Variants in HYKK observed in about 807,000 individuals in gnomAD.
HYKK encodes hydroxylysine kinase.
In HYKK, 19 loss-of-function variants were observed where a neutral mutation model predicts 29.7. That is an observed-to-expected ratio of 0.64 (90% CI 0.45 to 0.94). The LOEUF is 0.94. Among genes scored for constraint, HYKK ranks in the 40% least tolerant of loss-of-function variants. HYKK has a pLI of 0.00. For synonymous variants in HYKK, 152 were observed against 158.1 expected, an observed-to-expected ratio of 0.96 and a Z score of 0.29; for missense variants, 390 against 443.4, an observed-to-expected ratio of 0.88 and a Z score of 1.08.
rs1458839654 is a variant in HYKK at position 78,535,551 on chromosome 15, C to T, written c.*1881C>T. On this transcript the variant is annotated 3_prime_UTR_variant, in exon 5 of 5. Coordinates refer to ENST00000388988, the MANE Select transcript of HYKK (RefSeq NM_001013619.4). ...CAGTGTGTGGCACATAGTTAGGACT[C>T]AGTAACTATTTACTCAATAAATGAA... 1 of 152,138 alleles carries T rather than the reference C, an allele frequency of 6.6e-6. No homozygotes were observed. Among genetic ancestry groups the T allele is most frequent in the Non-Finnish European group, 1.5e-5 (1 of 68,038 alleles). The allele number at this position is 152,138 out of a possible 1,614,324, so 9.4% of individuals were successfully genotyped here.
rs1034827696 is a variant in HYKK at position 78,507,685 on chromosome 15, G to C, written c.-6+14G>C. On this transcript the variant is annotated intron_variant, in intron 1 of 4. Transcript: ENST00000388988. ...GGGTCGCTGCCGGTGAGCCAAGGAG[G>C]GGGAAGCAGAGACGAGCCCTGCGTC... The C allele has an allele frequency of 3.9e-5, 6 of 152,420 alleles. No homozygotes were observed. The highest frequency in any genetic ancestry group is 3.9e-4 in the Admixed American group (6 of 15,284). The allele number at this position is 152,420 out of a possible 1,614,324, so 9.4% of individuals were successfully genotyped here. A position where few individuals can be genotyped will look rare whatever the true frequency, so the allele number is the denominator to read the frequency against.
In HYKK at chr15:78,534,727, G is replaced by A. The variant is rs2141366806; in HGVS notation, c.*1057G>A. 6.6e-6 allele frequency: 1 copy of A among 152,258 alleles called. No individual in the cohort carries two copies. The highest frequency in any genetic ancestry group is 6.5e-5 in the Admixed American group (1 of 15,286). 9.4% of individuals were successfully genotyped at this position (152,258 alleles called of 1,614,324 possible). A position where few individuals can be genotyped will look rare whatever the true frequency, so the allele number is the denominator to read the frequency against. On this transcript the variant is annotated 3_prime_UTR_variant, in exon 5 of 5. Coordinates refer to ENST00000388988, the MANE Select transcript of HYKK (RefSeq NM_001013619.4). ...GAAAAAATTTTAACTTGTCTGAGAG[G>A]GTGGTTGAAACTGGAACTCCAGAGA...
chr15:78,510,443 C>T lies in HYKK; in HGVS notation c.-5-2641C>T, dbSNP rs569424865. Among the ~76,000 whole-genome samples, 16 of 152,186 alleles carry T rather than the reference C, an allele frequency of 1.1e-4. No homozygotes were observed. In the Middle Eastern group the frequency reaches 0.01, roughly 97 times the overall value. ...CAAACTCCTGACCTCAGGTGATCCA[C>T]CCACCTCAGCCTCCCAAAGTGGTGG... On this transcript the variant is annotated intron_variant, in intron 1 of 4. Coordinates refer to ENST00000388988, the MANE Select transcript of HYKK (RefSeq NM_001013619.4).
At chr15:78,528,770 C>T in intron 4 of HYKK, 2 of 799,706 alleles carry the variant, frequency 2.5e-6, no homozygotes, top group Non-Finnish European at 3.0e-6. Flanking sequence ...CCACTGCACT[C>T]CAGCCTGGGC....
Position 78,535,882 on chromosome 15 carries a change from T to G in HYKK, c.*2212T>G, listed in dbSNP as rs1191504246. ...ACAGGCATGTGCCACCATGCCCAACTAATTTATTTTATTTTGTAGAGATAG... is the reference window on the plus strand; with the variant it reads ...ACAGGCATGTGCCACCATGCCCAACGAATTTATTTTATTTTGTAGAGATAG... On this transcript the variant is annotated 3_prime_UTR_variant, in exon 5 of 5. Transcript: ENST00000388988. 1.3e-5 allele frequency: 2 copies of G among 152,276 alleles called. No homozygotes were observed. Among genetic ancestry groups the G allele is most frequent in the East Asian group, 3.9e-4 (2 of 5,164 alleles). The allele number at this position is 152,276 out of a possible 1,614,324, so 9.4% of individuals were successfully genotyped here. A position where few individuals can be genotyped will look rare whatever the true frequency, so the allele number is the denominator to read the frequency against.
intron 3 of HYKK, among the ~76,000 whole-genome samples, chr15:78,523,119 C>A (rs562455778): frequency 6.6e-6 from 1 of 152,260 alleles, no homozygotes; most frequent in African/African-American, 2.4e-5. Flanking sequence ...AGTCCATTCT[C>A]AAATTGCTAT....
rs917432980 is a variant in HYKK, at chr15:78,507,642, G to C, written c.-35G>C. Reference sequence around the variant, plus strand: ...GCACTACCTGTCTGCGGGAAAGCGGGATCCACCCCAGGACGTCGGGTCGCT... The same window carrying C: ...GCACTACCTGTCTGCGGGAAAGCGGCATCCACCCCAGGACGTCGGGTCGCT... On this transcript the variant is annotated 5_prime_UTR_variant, in exon 1 of 5. Transcript: ENST00000388988. The C allele has an allele frequency of 6.6e-6, 1 of 152,346 alleles. No individual in the cohort carries two copies. The highest frequency in any genetic ancestry group is 1.5e-5 in the Non-Finnish European group (1 of 68,160). 9.4% of individuals were successfully genotyped at this position (152,346 alleles called of 1,614,324 possible).
At chr15:78,519,254 C>T (rs914022958) in intron 3 of HYKK, among the ~76,000 whole-genome samples, 1 of 152,100 alleles carries the variant, frequency 6.6e-6, no homozygotes, top group African/African-American at 2.4e-5. Flanking sequence ...TCCGTTTATT[C>T]AACAAATATT....
At position 78,528,764 on chromosome 15, in the gene HYKK, T is replaced by C. The variant is rs59778788; in HGVS notation, c.661+1201T>C. 3.4e-3 allele frequency: 2,387 copies of C among 708,552 alleles called. 212 individuals carry two copies. The East Asian group carries it at 0.24, about 73-fold the overall frequency. 43.9% of individuals were successfully genotyped at this position (708,552 alleles called of 1,614,324 possible). A position where few individuals can be genotyped will look rare whatever the true frequency, so the allele number is the denominator to read the frequency against. On this transcript the variant is annotated intron_variant, in intron 4 of 4. Coordinates refer to ENST00000388988, the MANE Select transcript of HYKK (RefSeq NM_001013619.4). ...TTGCAGTGGGCCTAGGTTGTGCCAC[T>C]GCACTCCAGCCTGGGCAACAGAGCG...
At chr15:78,525,506 T>G (rs1339135549) in intron 3 of HYKK, among the ~76,000 whole-genome samples, 1 of 146,010 alleles carries the variant, frequency 6.8e-6, no homozygotes, top group Non-Finnish European at 1.5e-5. Context: ...TTTTTATATA[T>G]ATATTTTTTG....
At chr15:78,521,341 G>A in intron 3 of HYKK, among the ~76,000 whole-genome samples, 1 of 152,036 alleles carries the variant, frequency 6.6e-6, no homozygotes, top group East Asian at 1.9e-4. Context: ...TATAGGACAG[G>A]CTTATGAGTA....
Position 78,515,064 on chromosome 15 carries a change from A to C in HYKK, c.434A>C (p.Tyr145Ser). Residue 145 changes from tyrosine (Y) to serine (S), a missense_variant, in exon 3 of 5, where the codon TAT becomes TCT. By Grantham distance (144) the Tyr-to-Ser change is moderately radical. Coordinates refer to ENST00000388988, the MANE Select transcript of HYKK (RefSeq NM_001013619.4). ...CTTCCCGTCAGCCCCCAGCTATTGT[A>C]TGAAATTGGAAAACTAGCTGCCAAA... is the stretch of plus-strand genomic sequence containing the variant. ...AELPVSPQLL[Y>S]EIGKLAAKLD... 1 of 1,599,556 alleles carries C rather than the reference A, an allele frequency of 6.3e-7. No individual in the cohort carries two copies. Among genetic ancestry groups the C allele is most frequent in the Non-Finnish European group, 8.5e-7 (1 of 1,172,102 alleles).
At chr15:78,512,763 G>T (rs1269518543) in intron 1 of HYKK, among the ~76,000 whole-genome samples, 1 of 152,042 alleles carries the variant, frequency 6.6e-6, no homozygotes, top group Non-Finnish European at 1.5e-5. Context: ...TAACCTCTCA[G>T]GACCAAAATT....
chr15:78,513,262 C>A lies in HYKK; in HGVS notation c.174C>A (p.Gly58=). 1 of 1,614,126 alleles carries A rather than the reference C, an allele frequency of 6.2e-7. No homozygotes were observed. Among genetic ancestry groups the A allele is most frequent in the East Asian group, 2.2e-5 (1 of 44,880 alleles). The change falls in exon 2 of 5, where the codon GGC becomes GGA. Residue 58 remains glycine, a synonymous_variant. Coordinates refer to ENST00000388988, the MANE Select transcript of HYKK (RefSeq NM_001013619.4). The part of the protein sequence containing the change: ...FHVYVSKTKD[G]PTEYVLKISN... ...TCTACGTTTCAAAAACCAAAGATGG[C>A]CCAACTGAATATGTCCTCAAAATAA...
chr15:78,520,939 G>A (rs969722545), intron 3 of HYKK, among the ~76,000 whole-genome samples: 13 of 151,480 alleles, frequency 8.6e-5, no homozygotes, highest in South Asian at 6.3e-4. Flanking sequence ...CCTCCCTCCC[G>A]GACGGGGCAG....
chr15:78,531,932 A>G (rs1308341150), intron 4 of HYKK, among the ~76,000 whole-genome samples: 2 of 135,020 alleles, frequency 1.5e-5, no homozygotes, highest in Non-Finnish European at 3.6e-5. Flanking sequence ...TATTGTTTCT[A>G]TGTGCCCACT....
At chr15:78,520,110 A>G (rs563857853) in intron 3 of HYKK, among the ~76,000 whole-genome samples, 16 of 152,232 alleles carry the variant, frequency 1.1e-4, no homozygotes, top group Non-Finnish European at 1.9e-4. Flanking sequence ...AGGGAGCTCT[A>G]GAGGGAACCA....
chr15:78,525,795 A>C (rs1197464421), intron 3 of HYKK, among the ~76,000 whole-genome samples: 1 of 152,258 alleles, frequency 6.6e-6, no homozygotes, highest in African/African-American at 2.4e-5. Flanking sequence ...CACCACGCCC[A>C]GCCAGAATAT....
In HYKK at chr15:78,513,306, A is replaced by G; in HGVS notation, c.218A>G (p.Lys73Arg). Reference sequence around the variant, plus strand: ...AAAATAAGCAACACCAAGGCTAGCAAAAATCCAGACCTGATTGAAGTGCAG... The same window carrying G: ...AAAATAAGCAACACCAAGGCTAGCAGAAATCCAGACCTGATTGAAGTGCAG... ...VLKISNTKAS[K>R]NPDLIEVQNH... Residue 73 changes from lysine (K) to arginine (R), a missense_variant, in exon 2 of 5, where the codon AAA becomes AGA. Transcript: ENST00000388988. The G allele has an allele frequency of 6.2e-7, 1 of 1,614,222 alleles. No homozygotes were observed. Among genetic ancestry groups the G allele is most frequent in the Non-Finnish European group, 8.5e-7 (1 of 1,180,036 alleles).
Sources: allele counts gnomAD v4.1 joint callset (sites outside exome capture counted in the v4.1 genomes callset), GRCh38; gene constraint gnomAD v4.1.1; transcripts MANE v1.5; gene names NCBI Gene and HGNC (gene_info 2026-07-23, HGNC 2026-07-21).